SUGCT: variants seen among roughly 807,000 people sequenced by gnomAD.
The protein encoded by SUGCT is succinyl-CoA:glutarate-CoA transferase.
In SUGCT, 41 loss-of-function variants were observed where a neutral mutation model predicts 55.0. The observed-to-expected ratio is 0.74, with a 90% CI of 0.58 to 0.97. The LOEUF (loss-of-function observed/expected upper bound fraction) is 0.97. Among genes scored for constraint, SUGCT ranks in the 50% least tolerant of loss-of-function variants. The probability of loss-of-function intolerance (pLI) is 0.00; values close to 1 mark genes in which losing one functional copy is unlikely to be tolerated. For synonymous variants in SUGCT, 187 were observed against 200.4 expected (o/e 0.93, Z 0.56); for missense variants, 568 against 547.8 (o/e 1.04, Z -0.37).
chr7:40,218,376 G>A (rs1001939691), intron 6 of SUGCT, among the ~76,000 whole-genome samples: 1 of 152,272 alleles, frequency 6.6e-6, no homozygotes, highest in African/African-American at 2.4e-5. Context: ...AAATGAAGTG[G>A]GGGGAAAAGT....
intron 9 of SUGCT, among the ~76,000 whole-genome samples, chr7:40,415,238 C>T (rs1443363293): frequency 1.4e-5 from 2 of 141,262 alleles, no homozygotes; most frequent in Admixed American, 1.5e-4. Context: ...CCACTGCACT[C>T]CAACGTGGAG....
At chr7:41,016,738 T>G in the SUGCT span, among the ~76,000 whole-genome samples, 1 of 152,122 alleles carries the variant, frequency 6.6e-6, no homozygotes, top group Non-Finnish European at 1.5e-5. Context: ...GGTCCCTCAT[T>G]TCATTGTTCT....
intron 9 of SUGCT, among the ~76,000 whole-genome samples, chr7:40,369,280 T>C (rs1457308137): frequency 6.6e-6 from 1 of 152,124 alleles, no homozygotes; most frequent in Non-Finnish European, 1.5e-5. Flanking sequence ...GCTTTGGAAG[T>C]GGAGTGGAAG....
intron 10 of SUGCT, among the ~76,000 whole-genome samples, chr7:40,458,482 A>C (rs1310590995): frequency 6.6e-6 from 1 of 152,248 alleles, no homozygotes; most frequent in Admixed American, 6.5e-5. Context: ...ATTCATAAAA[A>C]ATAGTGATAC....
intron 3 of SUGCT, among the ~76,000 whole-genome samples, chr7:40,186,087 T>TCCTTCCTTCCTTCCTTCCCTCC (rs1329834661): frequency 6.0e-5 from 8 of 133,802 alleles, no homozygotes; most frequent in African/African-American, 2.7e-4. Context: ...CTTTCTCTCT[T>TCCTTCCTTCCTTCCTTCCCTCC]TTTCTTCCTT....
At chr7:40,166,831 G>A (rs1784444731) in intron 1 of SUGCT, among the ~76,000 whole-genome samples, 1 of 150,380 alleles carries the variant, frequency 6.6e-6, no homozygotes, top group African/African-American at 2.5e-5. Context: ...AGGTTGCAGT[G>A]AGCCGAGATT....
At chr7:40,647,475 C>A (rs1267376770) in intron 12 of SUGCT, among the ~76,000 whole-genome samples, 1 of 152,134 alleles carries the variant, frequency 6.6e-6, no homozygotes, top group African/African-American at 2.4e-5. Flanking sequence ...AATATATGAG[C>A]AAAAACCTTT....
intron 12 of SUGCT, among the ~76,000 whole-genome samples, chr7:40,702,910 A>G (rs1232058732): frequency 6.6e-6 from 1 of 152,180 alleles, no homozygotes; most frequent in East Asian, 1.9e-4. Context: ...GCGTGCAAGA[A>G]TATTTGGGTT....
rs1786181194 is a variant in SUGCT, at chr7:40,719,128, C to A, written c.1090-30306C>A. Among the ~76,000 whole-genome samples, 3 of 152,224 alleles carry A rather than the reference C, an allele frequency of 2.0e-5. No homozygotes were observed. In the South Asian group the frequency reaches 6.2e-4, roughly 31 times the overall value. ...TATGTGATCTGGCACCTGCCATTCT[C>A]CCTGGGCTCATCTTTTCTATGAAAC... On this transcript the variant is annotated intron_variant, in intron 12 of 13. Coordinates refer to ENST00000335693, the MANE Select transcript of SUGCT (RefSeq NM_001193313.2).
chr7:40,249,339 ATATATAT>A (rs1562612235), intron 7 of SUGCT, among the ~76,000 whole-genome samples: 16 of 131,968 alleles, frequency 1.2e-4, no homozygotes, highest in African/African-American at 4.4e-4. Context: ...ATATATATAT[ATATATAT>A]AATTATATTA....
intron 13 of SUGCT, among the ~76,000 whole-genome samples, chr7:40,783,020 A>T (rs1161862453): frequency 6.6e-6 from 1 of 152,142 alleles, no homozygotes; most frequent in Non-Finnish European, 1.5e-5. Context: ...TGCTGTGGTT[A>T]TGATCTGGTG....
chr7:40,619,113 A>G (rs1379223045), intron 12 of SUGCT, among the ~76,000 whole-genome samples: 1 of 152,094 alleles, frequency 6.6e-6, no homozygotes, highest in African/African-American at 2.4e-5. Context: ...CGCCTTCCAT[A>G]TTTTCTTTCA....
chr7:40,854,472 C>CTTTCTTTCTT (rs1563050908), intron 13 of SUGCT, among the ~76,000 whole-genome samples: 1 of 133,170 alleles, frequency 7.5e-6, no homozygotes, highest in Non-Finnish European at 1.6e-5. Flanking sequence ...TTCTTTCTTT[C>CTTTCTTTCTT]TTTCTCTTTC....
intron 12 of SUGCT, among the ~76,000 whole-genome samples, chr7:40,536,559 T>C (rs1010243428): frequency 6.6e-6 from 1 of 152,234 alleles, no homozygotes; most frequent in African/African-American, 2.4e-5. Flanking sequence ...GATAGCCACA[T>C]AGGGCCAGGC....
chr7:40,909,361 C>T, the SUGCT span, among the ~76,000 whole-genome samples: 1 of 152,142 alleles, frequency 6.6e-6, no homozygotes, highest in Non-Finnish European at 1.5e-5. Context: ...CTCCACCTGT[C>T]TCTTTGACTT....
the SUGCT span, among the ~76,000 whole-genome samples, chr7:40,880,506 A>G: frequency 1.3e-5 from 2 of 152,184 alleles, no homozygotes; most frequent in East Asian, 1.9e-4. Flanking sequence ...TGGCTTCATT[A>G]GGGACTGCAA....
intron 13 of SUGCT, among the ~76,000 whole-genome samples, chr7:40,767,558 A>G (rs1011229114): frequency 2.6e-5 from 4 of 152,102 alleles, no homozygotes; most frequent in Non-Finnish European, 5.9e-5. Context: ...TGTGGGTCAG[A>G]GTGGTGGCAG....
intron 13 of SUGCT, among the ~76,000 whole-genome samples, chr7:40,847,078 T>C (rs1200443137): frequency 6.6e-6 from 1 of 151,892 alleles, no homozygotes. Context: ...ATGTCTGGAG[T>C]GAATGCTTTT....
chr7:40,550,089 A>G (rs1267266184), intron 12 of SUGCT, among the ~76,000 whole-genome samples: 1 of 152,220 alleles, frequency 6.6e-6, no homozygotes. Flanking sequence ...GATATCAACA[A>G]TCATCAGTTG....
Sources: allele counts gnomAD v4.1 joint callset (sites outside exome capture counted in the v4.1 genomes callset), GRCh38; gene constraint gnomAD v4.1.1; transcripts MANE v1.5; gene names NCBI Gene and HGNC (gene_info 2026-07-23, HGNC 2026-07-21).